PARVB: variants seen among roughly 807,000 people sequenced by gnomAD.
PARVB encodes the protein parvin beta.
Under a neutral mutation model 47.0 loss-of-function variants are expected in PARVB, and 46 were observed. The ratio of observed to expected loss-of-function variants is 0.98; its 90% CI spans 0.77 to 1.25. The LOEUF (loss-of-function observed/expected upper bound fraction) is 1.25. PARVB is among the 50% of genes most tolerant of loss of function. The pLI is 0.00. For synonymous variants in PARVB, 196 were observed against 196.3 expected (o/e 1.00, Z 0.01); for missense variants, 473 against 471.6 (o/e 1.00, Z -0.03).
chr22:44,085,637 A>T (rs1273039167), intron 1 of PARVB, among the ~76,000 whole-genome samples: 2 of 152,146 alleles, frequency 1.3e-5, no homozygotes, highest in East Asian at 3.9e-4. Context: ...AAATCTCAAC[A>T]CCATGCTATG....
intron 11 of PARVB, among the ~76,000 whole-genome samples, chr22:44,160,442 A>G (rs937208633): frequency 4.6e-5 from 7 of 152,224 alleles, no homozygotes; most frequent in South Asian, 2.1e-4. Context: ...TTTGAATTGC[A>G]GAGAGAAAGG....
At chr22:44,019,304 C>T (rs2050619369), upstream of PARVB, among the ~76,000 whole-genome samples, 3 of 151,872 alleles carry the variant, frequency 2.0e-5, no homozygotes, top group African/African-American at 7.3e-5. Context: ...ACTGCAACCT[C>T]CGCCTGCCGG....
chr22:44,017,094 C>G (rs186783823), intron 2 of PARVB, among the ~76,000 whole-genome samples: 73 of 152,138 alleles, frequency 4.8e-4, no homozygotes, highest in African/African-American at 1.7e-3. Context: ...AGGCTGGTCT[C>G]GAACTCCTGA....
intron 4 of PARVB, chr22:44,119,810 A>G (rs1180134156): frequency 1.9e-6 from 1 of 532,936 alleles, no homozygotes; most frequent in Non-Finnish European, 3.8e-6. Flanking sequence ...ATTGCTTGTG[A>G]TGAGGGCCTT....
intron 7 of PARVB, among the ~76,000 whole-genome samples, chr22:44,137,973 C>T (rs9614346): frequency 2.0e-5 from 3 of 152,234 alleles, no homozygotes; most frequent in South Asian, 2.1e-4. Flanking sequence ...GAGTTCCCCT[C>T]TAGGTGAGGG....
Position 44,170,440 on chromosome 22 carries a change from A to G in PARVB, c.*1762A>G, listed in dbSNP as rs1442255897. 1.3e-5 allele frequency: 2 copies of G among 152,232 alleles called. No homozygotes were observed. Among genetic ancestry groups the G allele is most frequent in the African/African-American group, 4.8e-5 (2 of 41,432 alleles). 9.4% of individuals were successfully genotyped at this position (152,232 alleles called of 1,614,324 possible). On this transcript the variant is annotated 3_prime_UTR_variant, in exon 13 of 13. Coordinates refer to ENST00000338758, the MANE Select transcript of PARVB (RefSeq NM_013327.5). ...GAGGTGCTGGGGTTAGGACTTCAGC[A>G]TGTGGATTTGTGGGGGGCATAATTT... is the stretch of plus-strand genomic sequence containing the variant.
chr22:44,081,234 C>T (rs2051892411), intron 1 of PARVB, among the ~76,000 whole-genome samples: 1 of 152,150 alleles, frequency 6.6e-6, no homozygotes, highest in Admixed American at 6.5e-5. Flanking sequence ...GCTGCCAGCA[C>T]CAGAGGCCAA....
chr22:44,046,964 CG>C (rs574803883), intron 1 of PARVB, among the ~76,000 whole-genome samples: 98 of 151,806 alleles, frequency 6.5e-4, no homozygotes, highest in African/African-American at 2.2e-3. Flanking sequence ...GGTCGGTGTG[CG>C]GGGGGTGGGG....
chr22:44,162,540 C>T (rs536198055), intron 11 of PARVB, among the ~76,000 whole-genome samples: 2 of 152,146 alleles, frequency 1.3e-5, no homozygotes. Context: ...AGGCTGGTCT[C>T]GAATGCCTGA....
chr22:44,047,818 A>G (rs1441990590), intron 1 of PARVB, among the ~76,000 whole-genome samples: 1 of 152,138 alleles, frequency 6.6e-6, no homozygotes, highest in Non-Finnish European at 1.5e-5. Flanking sequence ...GCCTTGACCC[A>G]GGTATTTGAC....
intron 8 of PARVB, chr22:44,140,501 G>A (rs747608508): frequency 2.4e-5 from 14 of 594,838 alleles, no homozygotes; most frequent in East Asian, 8.0e-5. Context: ...CACATGGAGC[G>A]TCGTTAGCTG....
chr22:44,128,350 A>G (rs1380841938), intron 4 of PARVB, among the ~76,000 whole-genome samples: 4 of 152,212 alleles, frequency 2.6e-5, no homozygotes, highest in Non-Finnish European at 4.4e-5. Context: ...CACCTGCTAC[A>G]TGGGAGAATC....
At chr22:44,012,621 G>C (rs1361602135) in intron 2 of PARVB, among the ~76,000 whole-genome samples, 1 of 152,060 alleles carries the variant, frequency 6.6e-6, no homozygotes, top group African/African-American at 2.4e-5. Flanking sequence ...TATAACCTGG[G>C]GGAAATAAGG....
At chr22:44,158,399 C>T (rs1403825612) in intron 11 of PARVB, among the ~76,000 whole-genome samples, 3 of 152,200 alleles carry the variant, frequency 2.0e-5, no homozygotes, top group Non-Finnish European at 4.4e-5. Flanking sequence ...AGCTCCACCA[C>T]CTGTGGTTTT....
chr22:44,122,586 G>C (rs866343441), intron 4 of PARVB, among the ~76,000 whole-genome samples: 5,248 of 133,940 alleles, frequency 0.039, 490 homozygotes, highest in African/African-American at 0.12. Context: ...GAGAGAGAGA[G>C]AGAGAGAGAG....
chr22:44,087,615 T>C (rs2052054894), intron 1 of PARVB, among the ~76,000 whole-genome samples: 1 of 151,404 alleles, frequency 6.6e-6, no homozygotes, highest in Admixed American at 6.6e-5. Flanking sequence ...TTCCTAATAA[T>C]ATCAAAAGGG....
intron 1 of PARVB, among the ~76,000 whole-genome samples, chr22:44,042,084 C>T (rs1366491114): frequency 1.3e-5 from 2 of 152,038 alleles, no homozygotes; most frequent in East Asian, 3.9e-4. Context: ...AAATAATAAA[C>T]ATACAATGAG....
At chr22:44,132,056 C>T (rs938281605) in intron 5 of PARVB, among the ~76,000 whole-genome samples, 10 of 152,192 alleles carry the variant, frequency 6.6e-5, no homozygotes, top group Non-Finnish European at 2.9e-5. Flanking sequence ...GACATGAACC[C>T]GGCAGGTGAA....
intron 1 of PARVB, among the ~76,000 whole-genome samples, chr22:44,083,278 A>G (rs2051948946): frequency 6.6e-6 from 1 of 152,220 alleles, no homozygotes; most frequent in East Asian, 1.9e-4. Context: ...CATTTGGCCT[A>G]CATAAGCTTA....
Sources: gnomAD v4.1 joint callset for allele counts (sites outside exome capture counted in the v4.1 genomes callset) on GRCh38, gnomAD v4.1.1 for gene constraint, MANE v1.5 for transcripts, NCBI Gene and HGNC (gene_info 2026-07-23, HGNC 2026-07-21) for gene names.